Variants in MGP observed in about 807,000 individuals in gnomAD.
MGP encodes cell growth-inhibiting gene 36 protein.
In MGP, 13 loss-of-function variants were observed where a neutral mutation model predicts 14.5. The ratio of observed to expected loss-of-function variants is 0.89; its 90% confidence interval spans 0.58 to 1.42. MGP has a LOEUF of 1.42. Among genes scored for constraint, MGP ranks in the 40% most tolerant of loss-of-function variants. The probability of loss-of-function intolerance (pLI) is 0.00; values close to 1 mark genes in which losing one functional copy is unlikely to be tolerated. For synonymous variants in MGP, 44 were observed against 46.3 expected (o/e 0.95, Z 0.20); for missense variants, 128 against 133.7 (o/e 0.96, Z 0.21).
rs1160648667 is a variant in MGP, at chr12:14,881,981, A to C, written c.*158T>G. On this transcript the variant is annotated 3_prime_UTR_variant, in exon 4 of 4. Coordinates refer to ENST00000539261, the MANE Select transcript of MGP (RefSeq NM_000900.5). ...CTGCAGTGCACTTTCATTACTTATC[A>C]ATCTGGGGGCGGGAAAAAGGGGTGC... 2.8e-5 allele frequency: 24 copies of C among 868,480 alleles called. 1 individual carries two copies. The highest frequency in any genetic ancestry group is 3.3e-4 in the Middle Eastern group (1 of 3,022). The allele number at this position is 868,480 out of a possible 1,614,324, so 53.8% of individuals were successfully genotyped here.
intron 1 of MGP, among the ~76,000 whole-genome samples, chr12:14,885,462 T>G (rs1207376650): frequency 6.6e-6 from 1 of 152,222 alleles, no homozygotes; most frequent in East Asian, 1.9e-4. Context: ...GGTATCTTCT[T>G]TCTGAAATAT....
Position 14,885,711 on chromosome 12 carries a change from A to G in MGP, c.61+20T>C, listed in dbSNP as rs755183967. The G allele has an allele frequency of 2.4e-5, 39 of 1,606,604 alleles. No individual in the cohort carries two copies. The Admixed American group carries it at 6.5e-4, about 27-fold the overall frequency. ...GAGGCAGAAAAGTAAACACAGAGAA[A>G]TGGGAGAAAAGTTTCTCACCATAAC... On this transcript the variant is annotated intron_variant, in intron 1 of 3. Transcript: ENST00000539261.
At chr12:14,883,859 C>T (rs1010433452) in intron 2 of MGP, 4 of 190,898 alleles carry the variant, frequency 2.1e-5, no homozygotes, top group African/African-American at 4.7e-5. Flanking sequence ...CTTAACGTGG[C>T]GCCTGTGGTC....
At position 14,883,886 on chromosome 12, in the gene MGP, G is replaced by A. The variant is rs372786392; in HGVS notation, c.94+327C>T. ...CCTGTGGTCTCCCAGCTGACTTGGCGTCCAGCTCTGTGCTTTACCATTTGT... is the reference window on the plus strand; with the variant it reads ...CCTGTGGTCTCCCAGCTGACTTGGCATCCAGCTCTGTGCTTTACCATTTGT... On this transcript the variant is annotated intron_variant, in intron 2 of 3. Coordinates refer to ENST00000539261, the MANE Select transcript of MGP (RefSeq NM_000900.5). 1.9e-5 allele frequency: 4 copies of A among 214,504 alleles called. 1 individual carries two copies. The South Asian group carries it at 2.6e-4, about 14-fold the overall frequency. 13.3% of individuals were successfully genotyped at this position (214,504 alleles called of 1,614,324 possible).
intron 2 of MGP, 167 bp from the exon 3 acceptor site, chr12:14,883,214 T>A (rs1863401251): frequency 3.2e-6 from 2 of 625,836 alleles, no homozygotes; most frequent in Non-Finnish European, 5.8e-6. Context: ...TTCATTAACT[T>A]CCTGATCAAA....
In MGP at chr12:14,884,219, C is replaced by G; in HGVS notation, c.88G>C (p.Glu30Gln). The G allele has an allele frequency of 6.9e-7, 1 of 1,452,742 alleles. No homozygotes were observed. The highest frequency in any genetic ancestry group is 9.5e-7 in the Non-Finnish European group (1 of 1,050,132). The allele number at this position is 1,452,742 out of a possible 1,614,324, so 90.0% of individuals were successfully genotyped here. ...AAGTTAAATATTCACTTACTAAGTT[C>G]ATAAGATTCCATGCTTTCATGTGAT... ...YESHESMESY[E>Q]LNPFINRRNA... The change falls in exon 2 of 4, where the codon GAA (glutamate) becomes CAA (glutamine). Residue 30 changes from glutamate to glutamine, a missense_variant. Glu to Gln is a conservative substitution (Grantham distance 29, BLOSUM62 2). Transcript: ENST00000539261.
At position 14,882,209 on chromosome 12, in the gene MGP, C is replaced by T; in HGVS notation, c.242G>A (p.Arg81His). 1.9e-6 allele frequency: 3 copies of T among 1,614,056 alleles called. No individual in the cohort carries two copies. The highest frequency in any genetic ancestry group is 1.1e-5 in the South Asian group (1 of 91,080). ...EACDDYRLCE[R>H]YAMVYGYNAA... is the part of the protein sequence containing the mutation. ...ATTGTATCCATAAACCATGGCGTAG[C>T]GTTCGCAAAGTCTGTAGTCATCACA... The change falls in exon 4 of 4, where the codon CGC becomes CAC. Residue 81 changes from arginine (R) to histidine (H), a missense_variant. Transcript: ENST00000539261.
chr12:14,882,646 G>A lies in MGP; in HGVS notation c.170+326C>T, dbSNP rs144345228. 3.1e-3 allele frequency among the ~76,000 whole-genome samples: 466 copies of A among 150,394 alleles called. 12 individuals are homozygous for A. In the South Asian group the frequency reaches 0.04, roughly 13 times the overall value. On this transcript the variant is annotated intron_variant, in intron 3 of 3. Transcript: ENST00000539261. The stretch of plus-strand genomic sequence containing the variant: ...TAATCCAGTCTGGGCAACAGAGTGA[G>A]ACTCTGTCTCAGAAAAACCAACCAA...
rs1382614906 is a variant in MGP, at chr12:14,881,372, T to C, written c.*767A>G. The stretch of plus-strand genomic sequence containing the variant: ...TTATTTAAAGCAAGAATAGTAAAAA[T>C]GTAGCGTGGAACCTTTAACAAATGT... On this transcript the variant is annotated 3_prime_UTR_variant, in exon 4 of 4. Transcript: ENST00000539261. 1 of 152,152 alleles carries C rather than the reference T, an allele frequency of 6.6e-6. No homozygotes were observed. The highest frequency in any genetic ancestry group is 1.5e-5 in the Non-Finnish European group (1 of 68,020). The allele number at this position is 152,152 out of a possible 1,614,324, so 9.4% of individuals were successfully genotyped here.
chr12:14,882,218 A>G lies in MGP; in HGVS notation c.233T>C (p.Leu78Pro). The change falls in exon 4 of 4, where the codon CTT becomes CCT. Residue 78 changes from leucine (L) to proline (P), a missense_variant. Physicochemically the swap from Leu to Pro is moderately conservative, Grantham distance 98. Transcript: ENST00000539261. ...ATAAACCATGGCGTAGCGTTCGCAAAGTCTGTAGTCATCACAGGCTTCCCT... is the reference window on the plus strand; with the variant it reads ...ATAAACCATGGCGTAGCGTTCGCAAGGTCTGTAGTCATCACAGGCTTCCCT... Reference protein sequence around the residue: ...LNREACDDYRLCERYAMVYGY... With the variant: ...LNREACDDYRPCERYAMVYGY... The G allele has an allele frequency of 1.9e-6, 3 of 1,614,090 alleles. No homozygotes were observed. The highest frequency in any genetic ancestry group is 2.5e-6 in the Non-Finnish European group (3 of 1,179,980).
chr12:14,884,185 T>A (rs1198427656), intron 2 of MGP, 28 bp downstream of exon 2: 1 of 1,446,130 alleles, frequency 6.9e-7, no homozygotes, highest in Non-Finnish European at 9.6e-7. Context: ...GCAAGGGATT[T>A]GAATAAAGAA....
intron 2 of MGP, 118 bp from the exon 3 acceptor site, chr12:14,883,165 C>T (rs1043631466): frequency 6.8e-5 from 53 of 781,652 alleles, no homozygotes; most frequent in Middle Eastern, 4.9e-4. Flanking sequence ...CTCATATAAA[C>T]GGAGATTGGC....
intron 1 of MGP, chr12:14,884,696 G>C: frequency 1.3e-6 from 1 of 754,662 alleles, no homozygotes. Flanking sequence ...GAGAACTACA[G>C]GGCAGTTGCT....
In MGP at chr12:14,882,181, A is replaced by T. The variant is rs759561806; in HGVS notation, c.270T>A (p.Ala90=). The part of the protein sequence containing the change: ...ERYAMVYGYN[A]AYNRYFRKRR... ...GCTTCCTGAAGTAGCGATTATAGGC[A>T]GCATTGTATCCATAAACCATGGCGT... is the stretch of plus-strand genomic sequence containing the variant. Residue 90 remains alanine, a synonymous_variant, in exon 4 of 4, where the codon GCT becomes GCA. Transcript: ENST00000539261. 1 of 1,613,974 alleles carries T rather than the reference A, an allele frequency of 6.2e-7. No individual in the cohort carries two copies. Among genetic ancestry groups the T allele is most frequent in the Non-Finnish European group, 8.5e-7 (1 of 1,179,990 alleles).
chr12:14,884,557 T>G (rs1183177945), intron 1 of MGP, among the ~76,000 whole-genome samples: 1 of 152,134 alleles, frequency 6.6e-6, no homozygotes, highest in East Asian at 1.9e-4. Context: ...ACAAGCAAAA[T>G]AAGACACTTT....
In MGP at chr12:14,882,156, G is replaced by A. The variant is rs2120425742; in HGVS notation, c.295C>T (p.Arg99Cys). ...NAAYNRYFRK[R>C]RGTK ...CCTCAGTCTCATTTGGTCCCTCGGC[G>A]CTTCCTGAAGTAGCGATTATAGGCA... Residue 99 changes from arginine (R) to cysteine (C), a missense_variant, in exon 4 of 4, where the codon CGC becomes TGC. Coordinates refer to ENST00000539261, the MANE Select transcript of MGP (RefSeq NM_000900.5). 1.2e-6 allele frequency: 2 copies of A among 1,613,928 alleles called. No individual in the cohort carries two copies. Among genetic ancestry groups the A allele is most frequent in the Non-Finnish European group, 1.7e-6 (2 of 1,179,944 alleles).
At position 14,883,029 on chromosome 12, in the gene MGP, C is replaced by T. The variant is rs750246859; in HGVS notation, c.113G>A (p.Arg38Lys). 6.2e-7 allele frequency: 1 copy of T among 1,611,506 alleles called. No individual in the cohort carries two copies. Among genetic ancestry groups the T allele is most frequent in the Non-Finnish European group, 8.5e-7 (1 of 1,177,756 alleles). ...SYELNPFINR[R>K]NANTFISPQQ... is the part of the protein sequence containing the mutation. ...AGGGGATATGAAGGTATTTGCATTT[C>T]TCCTGTTAATGAAGGGATCTTAGAA... The change falls in exon 3 of 4, where the codon AGA (arginine) becomes AAA (lysine). Residue 38 changes from arginine (R) to lysine (K), a missense_variant. Transcript: ENST00000539261.
chr12:14,885,210 G>C (rs1863425994), intron 1 of MGP, among the ~76,000 whole-genome samples: 1 of 152,142 alleles, frequency 6.6e-6, no homozygotes, highest in Admixed American at 6.5e-5. Flanking sequence ...CTGACAACAG[G>C]AGTTATGAAA....
At chr12:14,882,934 G>A (rs1863396838) in intron 3 of MGP, 38 bp downstream of exon 3, 1 of 1,395,244 alleles carries the variant, frequency 7.2e-7, no homozygotes, top group Admixed American at 1.7e-5. Context: ...ATCTACACTG[G>A]GAAAAATGAC....
Sources: gnomAD v4.1 joint callset for allele counts (sites outside exome capture counted in the v4.1 genomes callset) on GRCh38, gnomAD v4.1.1 for gene constraint, MANE v1.5 for transcripts, NCBI Gene and HGNC (gene_info 2026-07-23, HGNC 2026-07-21) for gene names.